The following GPC4 variants were observed in gnomAD, a reference collection of about 807,000 sequenced individuals.
GPC4 encodes glypican-4.
In GPC4, 10 loss-of-function variants were observed where a neutral mutation model predicts 35.0. That is an observed-to-expected ratio of 0.29 (90% confidence interval 0.18 to 0.48). The LOEUF (loss-of-function observed/expected upper bound fraction) is 0.48. Ranked by LOEUF, GPC4 falls within the 20% of genes least tolerant of loss-of-function variation. The pLI, the probability that GPC4 is intolerant of heterozygous loss-of-function variation, is 0.99. For missense variants in GPC4, 322 were observed against 451.3 expected (o/e 0.71, Z 2.60); for synonymous variants, 167 against 170.2 (o/e 0.98, Z 0.15).
chrX:133,311,662 A>G (rs888973990), intron 3 of GPC4, among the ~76,000 whole-genome samples: 1 of 110,972 alleles, frequency 9.0e-6, no homozygotes, highest in Non-Finnish European at 1.9e-5. Flanking sequence ...CCCACCCTGT[A>G]AACACCCATT....
At chrX:133,337,135 T>C (rs1173443480) in intron 2 of GPC4, among the ~76,000 whole-genome samples, 2 of 112,382 alleles carry the variant, frequency 1.8e-5, no homozygotes, top group South Asian at 3.7e-4. Context: ...ATATTTTAAT[T>C]TGAAGTCAGA....
Position 133,324,272 on chromosome X carries a change from T to G in GPC4, c.584A>C (p.Glu195Ala), listed in dbSNP as rs1392170848. The change falls in exon 3 of 9, where the codon GAG becomes GCG. Residue 195 changes from glutamate (E) to alanine (A), a missense_variant. This residue lies in a region of GPC4 where 163 missense variants were observed against 277.2 expected (regional missense o/e 0.59). Transcript: ENST00000370828. ...GACATCTCCGAAGGGCTTCAGCTGC[T>G]CCGTATACTTGCTCACACATTCCAG... is the stretch of plus-strand genomic sequence containing the variant. ...EYLECVSKYT[E>A]QLKPFGDVPR... is the part of the protein sequence containing the mutation. 3 of 1,211,495 alleles carry G rather than the reference T, an allele frequency of 2.5e-6. No homozygotes were observed. In the South Asian group the frequency reaches 5.3e-5, roughly 21 times the overall value.
chrX:133,346,947 A>C (rs779198625), intron 1 of GPC4, among the ~76,000 whole-genome samples: 1 of 111,466 alleles, frequency 9.0e-6, no homozygotes, highest in South Asian at 3.8e-4. Flanking sequence ...GGTGATGAAA[A>C]ATTGATTTTG....
At chrX:133,327,926 T>C (rs961004090) in intron 2 of GPC4, among the ~76,000 whole-genome samples, 4 of 110,755 alleles carry the variant, frequency 3.6e-5, no homozygotes, top group African/African-American at 1.3e-4. Context: ...CAAATGGGTA[T>C]GCAATTTGAC....
chrX:133,408,515 A>T (rs1477088110), intron 1 of GPC4, among the ~76,000 whole-genome samples: 2 of 111,899 alleles, frequency 1.8e-5, no homozygotes, highest in Non-Finnish European at 3.8e-5. Flanking sequence ...GAGGTGGATC[A>T]CCTGAGGTCA....
chrX:133,322,011 A>T (rs748054597), intron 3 of GPC4, among the ~76,000 whole-genome samples: 25 of 111,790 alleles, frequency 2.2e-4, no homozygotes, highest in African/African-American at 7.8e-4. Context: ...AATATGAAAA[A>T]TCCCATGAGC....
At chrX:133,375,225 T>C (rs971855367) in intron 1 of GPC4, among the ~76,000 whole-genome samples, 10 of 111,946 alleles carry the variant, frequency 8.9e-5, no homozygotes, top group Non-Finnish European at 1.5e-4. Context: ...TAGTAGTCTA[T>C]AGCTTTTTGA....
intron 1 of GPC4, among the ~76,000 whole-genome samples, chrX:133,365,765 T>C (rs2068587128): frequency 8.9e-6 from 1 of 112,665 alleles, no homozygotes; most frequent in African/African-American, 3.2e-5. Context: ...TGCAGACTGA[T>C]TTCTCTTTAG....
chrX:133,305,747 C>T (rs781491192), intron 6 of GPC4, 25 bp downstream of exon 6: 21 of 1,205,478 alleles, frequency 1.7e-5, no homozygotes, highest in African/African-American at 8.8e-5. Context: ...TCATTAAACA[C>T]GGCCCTTCCT....
intron 1 of GPC4, among the ~76,000 whole-genome samples, chrX:133,362,155 A>T (rs1328694210): frequency 1.8e-5 from 2 of 108,350 alleles, no homozygotes; most frequent in African/African-American, 6.7e-5. Context: ...TCGAGGCTTC[A>T]GTGAGCTGTA....
intron 1 of GPC4, among the ~76,000 whole-genome samples, chrX:133,380,774 T>C (rs755158780): frequency 1.8e-5 from 2 of 111,884 alleles, no homozygotes; most frequent in Admixed American, 9.5e-5. Flanking sequence ...GAGAGGCAAA[T>C]TGCACACAAA....
chrX:133,380,112 G>A (rs2068654143), intron 1 of GPC4, among the ~76,000 whole-genome samples: 1 of 110,591 alleles, frequency 9.0e-6, no homozygotes, highest in Non-Finnish European at 1.9e-5. Context: ...CAAGGTGGGA[G>A]GATCATTTGA....
At chrX:133,403,911 G>C (rs1021527470) in intron 1 of GPC4, among the ~76,000 whole-genome samples, 1 of 110,215 alleles carries the variant, frequency 9.1e-6, no homozygotes, top group Admixed American at 9.6e-5. Context: ...TGGCCAGGCT[G>C]GTCTTGAACT....
chrX:133,304,869 T>A lies in GPC4; in HGVS notation c.1156-8A>T, dbSNP rs2068284112. On this transcript the variant is annotated splice_region_variant and splice_polypyrimidine_tract_variant and intron_variant, in intron 6 of 8. Coordinates refer to ENST00000370828, the MANE Select transcript of GPC4 (RefSeq NM_001448.3). Reference sequence around the variant, plus strand: ...CTCCTTGACATCAGTAACCTAATTATGAAACAACAACAACAAAAAAAGATC... The same window carrying A: ...CTCCTTGACATCAGTAACCTAATTAAGAAACAACAACAACAAAAAAAGATC... 8.3e-7 allele frequency: 1 copy of A among 1,208,124 alleles called. No homozygotes were observed. Among genetic ancestry groups the A allele is most frequent in the Non-Finnish European group, 1.1e-6 (1 of 892,624 alleles).
At chrX:133,308,256 C>A (rs1359325753) in intron 4 of GPC4, among the ~76,000 whole-genome samples, 1 of 111,976 alleles carries the variant, frequency 8.9e-6, no homozygotes, top group East Asian at 2.8e-4. Flanking sequence ...TGCGGGATAT[C>A]TGACTGGCTC....
chrX:133,316,654 GGATGA>G (rs1450778539), intron 3 of GPC4, among the ~76,000 whole-genome samples: 5 of 111,786 alleles, frequency 4.5e-5, no homozygotes, highest in African/African-American at 1.6e-4. Flanking sequence ...CTAGATACTT[GGATGA>G]GATAACATTG....
intron 1 of GPC4, among the ~76,000 whole-genome samples, chrX:133,373,756 C>T (rs1406841109): frequency 8.9e-6 from 1 of 111,890 alleles, no homozygotes; most frequent in Non-Finnish European, 1.9e-5. Flanking sequence ...AAACTATCTC[C>T]AACTTTGACA....
chrX:133,367,341 A>AC (rs2068594065), intron 1 of GPC4, among the ~76,000 whole-genome samples: 2 of 112,088 alleles, frequency 1.8e-5, no homozygotes, highest in African/African-American at 6.5e-5. Context: ...TGTATATGTA[A>AC]CCTGCTTAGC....
At chrX:133,348,308 G>A (rs1422150994) in intron 1 of GPC4, among the ~76,000 whole-genome samples, 1 of 112,400 alleles carries the variant, frequency 8.9e-6, no homozygotes, top group African/African-American at 3.2e-5. Context: ...TTGACCTTGT[G>A]TTGCCATCAC....
Sources: allele counts gnomAD v4.1 joint callset (sites outside exome capture counted in the v4.1 genomes callset), GRCh38; gene constraint gnomAD v4.1.1; regional missense constraint gnomAD v4.1.1; transcripts MANE v1.5; gene names NCBI Gene and HGNC (gene_info 2026-07-23, HGNC 2026-07-21).